PCARE: variants seen among roughly 807,000 people sequenced by gnomAD.
PCARE encodes the protein photoreceptor cilium actin regulator.
In PCARE, 72 loss-of-function variants were observed where a neutral mutation model predicts 82.2. The observed-to-expected ratio is 0.88, with a 90% CI of 0.72 to 1.07. PCARE has a LOEUF of 1.07. PCARE is among the 50% of genes least tolerant of loss of function. The pLI, the probability that PCARE is intolerant of heterozygous loss-of-function variation, is 0.00. For missense variants in PCARE, 1,768 were observed against 1,592.4 expected (o/e 1.11, Z -1.88); for synonymous variants, 705 against 634.8 (o/e 1.11, Z -1.66).
Position 29,070,979 on chromosome 2 carries a change from G to A in PCARE, c.3283C>T (p.Pro1095Ser), listed in dbSNP as rs780703866. The change falls in exon 1 of 2, where the codon CCT (proline) becomes TCT (serine). Residue 1095 changes from proline (P) to serine (S), a missense_variant. Pro to Ser is a moderately conservative substitution (Grantham distance 74). Transcript: ENST00000331664. ...CTTGTTTCCTTGTGCTCCTGAGAAG[G>A]GGACATTGGGGGTGATGGGGAGGGA... ...SIPSPSPPMSPSQEHKETRDS... is the reference protein window; with the variant it reads ...SIPSPSPPMSSSQEHKETRDS... The A allele has an allele frequency of 1.2e-6, 2 of 1,612,658 alleles. No homozygotes were observed. The highest frequency in any genetic ancestry group is 1.7e-6 in the Non-Finnish European group (2 of 1,179,866).
chr2:29,068,210 A>G (rs564767509), intron 1 of PCARE, among the ~76,000 whole-genome samples: 30 of 152,372 alleles, frequency 2.0e-4, no homozygotes, highest in Non-Finnish European at 3.8e-4. Flanking sequence ...TTAAGAAAAG[A>G]GCAATGTTAC....
In PCARE at chr2:29,072,027, C is replaced by T. The variant is rs1558488925; in HGVS notation, c.2235G>A (p.Arg745=). The change falls in exon 1 of 2, where the codon AGG becomes AGA. Residue 745 remains arginine (R), a synonymous_variant. Coordinates refer to ENST00000331664, the MANE Select transcript of PCARE (RefSeq NM_001029883.3). ...IETFSPTESL[R]MLGDSKDAGA... ...CAGCGTCCTTAGAGTCCCCCAGCAT[C>T]CTCAGACTCTCCGTGGGACTGAAAG... The T allele has an allele frequency of 6.2e-7, 1 of 1,614,154 alleles. No homozygotes were observed. Among genetic ancestry groups the T allele is most frequent in the Admixed American group, 1.7e-5 (1 of 60,022 alleles).
In PCARE at chr2:29,073,235, G is replaced by A; in HGVS notation, c.1027C>T (p.Leu343Phe). ...SGCGDPGVQG[L>F]PLCSEDSGIG... ...CCACTGTCCTCAGAGCATAAGGGGA[G>A]ACCCTGCACCCCAGGGTCGCCACAG... The change falls in exon 1 of 2, where the codon CTC (leucine) becomes TTC (phenylalanine). Residue 343 changes from leucine to phenylalanine, a missense_variant. Leu to Phe is a conservative substitution (Grantham distance 22). Coordinates refer to ENST00000331664, the MANE Select transcript of PCARE (RefSeq NM_001029883.3). The A allele has an allele frequency of 6.2e-7, 1 of 1,614,072 alleles. No individual in the cohort carries two copies. Among genetic ancestry groups the A allele is most frequent in the Non-Finnish European group, 8.5e-7 (1 of 1,179,954 alleles).
At chr2:29,065,184 G>T (rs948435740) in intron 1 of PCARE, 117 bp from the exon 2 acceptor site, 341 of 1,232,184 alleles carry the variant, frequency 2.8e-4, no homozygotes, top group Non-Finnish European at 3.5e-4. Flanking sequence ...CCACAAGCCT[G>T]TTCACCCTGG....
chr2:29,067,051 C>A (rs1275958952), intron 1 of PCARE, among the ~76,000 whole-genome samples: 1 of 122,990 alleles, frequency 8.1e-6, no homozygotes, highest in East Asian at 2.4e-4. Context: ...AAACATCATC[C>A]ATTTTTCTAA....
rs889784031 is a variant in PCARE, at chr2:29,062,319, CTGGCACACGT to C, written c.*2540_*2549del. On this transcript the variant is annotated 3_prime_UTR_variant, in exon 2 of 2. Coordinates refer to ENST00000331664, the MANE Select transcript of PCARE (RefSeq NM_001029883.3). ...CCTATGGCAGGAGCCTCGCCCTGTC[CTGGCACACGT>C]TGGCCCCAAGCAAACGTGGAGGTCC... 2.6e-5 allele frequency: 4 copies of C among 152,248 alleles called. No individual in the cohort carries two copies. Among genetic ancestry groups the C allele is most frequent in the African/African-American group, 9.6e-5 (4 of 41,452 alleles). 9.4% of individuals were successfully genotyped at this position (152,248 alleles called of 1,614,324 possible). A position where few individuals can be genotyped will look rare whatever the true frequency, so the allele number is the denominator to read the frequency against.
chr2:29,065,494 T>G (rs1451251120), intron 1 of PCARE, among the ~76,000 whole-genome samples: 1 of 152,242 alleles, frequency 6.6e-6, no homozygotes, highest in African/African-American at 2.4e-5. Flanking sequence ...GCCACCCTTT[T>G]CCCGAATAGA....
In PCARE at chr2:29,069,880, T is replaced by C. The variant is rs181723518; in HGVS notation, c.3668+714A>G. On this transcript the variant is annotated intron_variant, in intron 1 of 1. Coordinates refer to ENST00000331664, the MANE Select transcript of PCARE (RefSeq NM_001029883.3). ...GGGCTCTTAATAACTTTAAAGGGTT[T>C]AAAGCCATCCTGGGACCAAATAGCT... Among the ~76,000 whole-genome samples the C allele has an allele frequency of 2.0e-5, 3 of 152,292 alleles. No individual in the cohort carries two copies. The East Asian group carries it at 5.8e-4, about 29-fold the overall frequency.
At position 29,063,696 on chromosome 2, in the gene PCARE, T is replaced by C. The variant is rs542578209; in HGVS notation, c.*1173A>G. The C allele has an allele frequency of 2.0e-5, 3 of 152,758 alleles. No individual in the cohort carries two copies. Among genetic ancestry groups the C allele is most frequent in the East Asian group, 3.9e-4 (2 of 5,178 alleles). The allele number at this position is 152,758 out of a possible 1,614,324, so 9.5% of individuals were successfully genotyped here. On this transcript the variant is annotated 3_prime_UTR_variant, in exon 2 of 2. Transcript: ENST00000331664. The stretch of plus-strand genomic sequence containing the variant: ...ATTGAATCACTCAATTACTGCAAAA[T>C]CTTTTCTAAATAGAACGCACACCAC...
rs1667521605 is a variant in PCARE at position 29,073,057 on chromosome 2, A to G, written c.1205T>C (p.Phe402Ser). The G allele has an allele frequency of 2.5e-6, 4 of 1,613,852 alleles. No individual in the cohort carries two copies. Among genetic ancestry groups the G allele is most frequent in the Non-Finnish European group, 2.5e-6 (3 of 1,179,858 alleles). ...CTGGGGTCTGCCTGAGCCCAAACAG[A>G]ATGGACTTTGCTGCCAGGTGTGTCC... Reference protein sequence around the residue: ...QSGHTWQQSPFCLGSGRPQDC... With the variant: ...QSGHTWQQSPSCLGSGRPQDC... Residue 402 changes from phenylalanine (F) to serine (S), a missense_variant, in exon 1 of 2, where the codon TTC becomes TCC. Physicochemically the swap from Phe to Ser is radical, Grantham distance 155. Coordinates refer to ENST00000331664, the MANE Select transcript of PCARE (RefSeq NM_001029883.3).
In PCARE at chr2:29,064,600, A is replaced by T. The variant is rs1012728711; in HGVS notation, c.*269T>A. On this transcript the variant is annotated 3_prime_UTR_variant, in exon 2 of 2. Transcript: ENST00000331664. ...CCACCCCCCACCCCACCCCAAATTA[A>T]GGCCAGCACTTGAAGCATTAAATAC... The T allele has an allele frequency of 1.2e-5, 7 of 577,230 alleles. No homozygotes were observed. The highest frequency in any genetic ancestry group is 4.6e-4 in the Middle Eastern group (1 of 2,190). The allele number at this position is 577,230 out of a possible 1,614,324, so 35.8% of individuals were successfully genotyped here.
At position 29,064,582 on chromosome 2, in the gene PCARE, C is replaced by T. The variant is rs1667363271; in HGVS notation, c.*287G>A. 1 of 567,690 alleles carries T rather than the reference C, an allele frequency of 1.8e-6. No homozygotes were observed. The allele number at this position is 567,690 out of a possible 1,614,324, so 35.2% of individuals were successfully genotyped here. ...CATGCAACTATACATTCTCCACCCCCCACCCCACCCCAAATTAAGGCCAGC... is the reference window on the plus strand; with the variant it reads ...CATGCAACTATACATTCTCCACCCCTCACCCCACCCCAAATTAAGGCCAGC... On this transcript the variant is annotated 3_prime_UTR_variant, in exon 2 of 2. Coordinates refer to ENST00000331664, the MANE Select transcript of PCARE (RefSeq NM_001029883.3).
intron 1 of PCARE, among the ~76,000 whole-genome samples, chr2:29,068,179 T>C (rs952294606): frequency 3.3e-5 from 5 of 152,218 alleles, no homozygotes. Context: ...ACCACTGTAC[T>C]GTAGGAAGCT....
intron 1 of PCARE, among the ~76,000 whole-genome samples, chr2:29,065,963 A>G (rs1262074464): frequency 1.3e-5 from 2 of 152,168 alleles, no homozygotes; most frequent in African/African-American, 2.4e-5. Context: ...CTTGGCTAAC[A>G]TGGTGAAACC....
chr2:29,074,117 T>A lies in PCARE; in HGVS notation c.145A>T (p.Thr49Ser), dbSNP rs778601521. ...AGGCCCTCCCCAGCGTCATAGCAGGTGGAGTTTTTAACCAGCAAAGGGATG... is the reference window on the plus strand; with the variant it reads ...AGGCCCTCCCCAGCGTCATAGCAGGAGGAGTTTTTAACCAGCAAAGGGATG... The part of the protein sequence containing the change: ...GSIPLLVKNS[T>S]CYDAGEGLAE... The change falls in exon 1 of 2, where the codon ACC (threonine) becomes TCC (serine). Residue 49 changes from threonine (T) to serine (S), a missense_variant. Thr to Ser is a moderately conservative substitution (Grantham distance 58, BLOSUM62 1). Transcript: ENST00000331664. The A allele has an allele frequency of 6.2e-7, 1 of 1,614,094 alleles. No individual in the cohort carries two copies. The highest frequency in any genetic ancestry group is 2.2e-5 in the East Asian group (1 of 44,872).
chr2:29,072,736 G>A lies in PCARE; in HGVS notation c.1526C>T (p.Thr509Ile), dbSNP rs1239765872. The A allele has an allele frequency of 1.9e-6, 3 of 1,613,940 alleles. No homozygotes were observed. Among genetic ancestry groups the A allele is most frequent in the African/African-American group, 2.7e-5 (2 of 74,904 alleles). The stretch of plus-strand genomic sequence containing the variant: ...TGAAGATTGTGGCCTTGAATGTGGA[G>A]TTTTTTCCTGCCAGGCACACAGACT... The part of the protein sequence containing the change: ...SMSLCAWQEK[T>I]PHSRPQSSPA... Residue 509 changes from threonine to isoleucine, a missense_variant, in exon 1 of 2, where the codon ACT (threonine) becomes ATT (isoleucine). By Grantham distance (89) the Thr-to-Ile change is moderately conservative. Coordinates refer to ENST00000331664, the MANE Select transcript of PCARE (RefSeq NM_001029883.3).
intron 1 of PCARE, among the ~76,000 whole-genome samples, chr2:29,067,893 A>C (rs1667414616): frequency 6.6e-6 from 1 of 152,176 alleles, no homozygotes; most frequent in South Asian, 2.1e-4. Context: ...CCCTGCCCCA[A>C]GTATTGAGAT....
Position 29,064,640 on chromosome 2 carries a change from C to T in PCARE, c.*229G>A. The T allele has an allele frequency of 1.6e-6, 1 of 609,150 alleles. No homozygotes were observed. Among genetic ancestry groups the T allele is most frequent in the Non-Finnish European group, 2.9e-6 (1 of 342,902 alleles). The allele number at this position is 609,150 out of a possible 1,614,324, so 37.7% of individuals were successfully genotyped here. On this transcript the variant is annotated 3_prime_UTR_variant, in exon 2 of 2. Transcript: ENST00000331664. ...GCATTAAATACTGTCATTGTGGGGT[C>T]TAAAAGTTCTGGTTAACCTTTGAAC...
chr2:29,073,151 A>G lies in PCARE; in HGVS notation c.1111T>C (p.Trp371Arg). The change falls in exon 1 of 2, where the codon TGG (tryptophan) becomes CGG (arginine). Residue 371 changes from tryptophan (W) to arginine (R), a missense_variant. Trp to Arg is a moderately radical substitution (Grantham distance 101). Transcript: ENST00000331664. ...SVDKLGKQTS[W>R]DLAPEPEEWK... ...TCTTCGGGCTCTGGTGCAAGGTCCC[A>G]GCTGGTTTGCTTGCCCAGCTTGTCC... The G allele has an allele frequency of 1.9e-6, 3 of 1,614,136 alleles. No individual in the cohort carries two copies. The highest frequency in any genetic ancestry group is 2.5e-6 in the Non-Finnish European group (3 of 1,180,014).
Sources: gnomAD v4.1 joint callset for allele counts (sites outside exome capture counted in the v4.1 genomes callset) on GRCh38, gnomAD v4.1.1 for gene constraint, MANE v1.5 for transcripts, NCBI Gene and HGNC (gene_info 2026-07-23, HGNC 2026-07-21) for gene names.